The following SUGCT variants were observed in gnomAD, a reference collection of about 807,000 sequenced individuals.
The protein encoded by SUGCT is succinyl-CoA:glutarate CoA-transferase.
SUGCT carries 41 observed loss-of-function variants against 55.0 expected under a neutral mutation model. The ratio of observed to expected loss-of-function variants is 0.74; its 90% CI spans 0.58 to 0.97. The LOEUF (loss-of-function observed/expected upper bound fraction) is 0.97. SUGCT is among the 50% of genes least tolerant of loss of function. The pLI is 0.00. For missense variants in SUGCT, 568 were observed against 547.8 expected (o/e 1.04, Z -0.37); for synonymous variants, 187 against 200.4 (o/e 0.93, Z 0.56).
intron 8 of SUGCT, among the ~76,000 whole-genome samples, chr7:40,302,373 C>T (rs975826558): frequency 6.6e-6 from 1 of 152,174 alleles, no homozygotes; most frequent in Admixed American, 6.5e-5. Context: ...TGGCTTTACC[C>T]TTGTGTTAGT....
intron 12 of SUGCT, among the ~76,000 whole-genome samples, chr7:40,629,540 C>T (rs938895911): frequency 5.9e-5 from 9 of 151,844 alleles, no homozygotes; most frequent in Non-Finnish European, 1.0e-4. Flanking sequence ...GGCTGGATAA[C>T]GGCAGGAGGA....
At chr7:40,696,274 G>C (rs1329934549) in intron 12 of SUGCT, among the ~76,000 whole-genome samples, 1 of 152,174 alleles carries the variant, frequency 6.6e-6, no homozygotes, top group Non-Finnish European at 1.5e-5. Context: ...GCCAGGAGAT[G>C]CCTTTTAATG....
At chr7:40,605,949 A>G (rs907739240) in intron 12 of SUGCT, among the ~76,000 whole-genome samples, 4 of 152,236 alleles carry the variant, frequency 2.6e-5, no homozygotes, top group Admixed American at 2.6e-4. Flanking sequence ...GTAGGTTACA[A>G]TCAGTTTGTG....
chr7:40,992,961 G>A, the SUGCT span, among the ~76,000 whole-genome samples: 1 of 152,070 alleles, frequency 6.6e-6, no homozygotes, highest in Non-Finnish European at 1.5e-5. Flanking sequence ...AATGAAGGAG[G>A]AATTAGGGCA....
At chr7:40,703,462 C>T (rs949770281) in intron 12 of SUGCT, among the ~76,000 whole-genome samples, 1 of 152,140 alleles carries the variant, frequency 6.6e-6, no homozygotes, top group African/African-American at 2.4e-5. Context: ...CCTCTAACCT[C>T]TCTATATATA....
the SUGCT span, among the ~76,000 whole-genome samples, chr7:40,879,636 A>C: frequency 6.6e-6 from 1 of 152,156 alleles, no homozygotes; most frequent in Non-Finnish European, 1.5e-5. Flanking sequence ...TTCTATAATA[A>C]TTCTTCATTT....
rs1310631709 is a variant in SUGCT at position 40,556,163 on chromosome 7, T to C, written c.1089+59777T>C. 2.0e-5 allele frequency among the ~76,000 whole-genome samples: 3 copies of C among 152,292 alleles called. No individual in the cohort carries two copies. In the East Asian group the frequency reaches 5.8e-4, roughly 29 times the overall value. On this transcript the variant is annotated intron_variant, in intron 12 of 13. Coordinates refer to ENST00000335693, the MANE Select transcript of SUGCT (RefSeq NM_001193313.2). ...CACTTTTTGACCTCTGTTAAGTCTA[T>C]CCTCCACCTTCAGCACGCTTTGTTC...
intron 9 of SUGCT, among the ~76,000 whole-genome samples, chr7:40,405,088 G>A (rs962629291): frequency 7.2e-5 from 11 of 152,146 alleles, no homozygotes; most frequent in African/African-American, 2.7e-4. Flanking sequence ...AAGCTGCATA[G>A]CAAATCAAAG....
intron 1 of SUGCT, among the ~76,000 whole-genome samples, chr7:40,171,340 C>T (rs1386787002): frequency 6.6e-6 from 1 of 152,190 alleles, no homozygotes; most frequent in African/African-American, 2.4e-5. Context: ...GACCAATTTT[C>T]CTAACTCGCT....
the SUGCT span, among the ~76,000 whole-genome samples, chr7:40,885,319 CA>C: frequency 6.6e-6 from 1 of 152,122 alleles, no homozygotes; most frequent in African/African-American, 2.4e-5. Flanking sequence ...ACTGCCTCCT[CA>C]AAAGTATACT....
chr7:40,366,985 A>C (rs1311041995), intron 9 of SUGCT, among the ~76,000 whole-genome samples: 1 of 152,210 alleles, frequency 6.6e-6, no homozygotes, highest in Non-Finnish European at 1.5e-5. Flanking sequence ...TTGCGGCACT[A>C]TTCACAGTAG....
intron 13 of SUGCT, among the ~76,000 whole-genome samples, chr7:40,756,475 C>T (rs1788258330): frequency 6.6e-6 from 1 of 152,118 alleles, no homozygotes; most frequent in Non-Finnish European, 1.5e-5. Context: ...TACAACTCTG[C>T]CTTTTCTATG....
At chr7:40,617,893 C>T (rs188929735) in intron 12 of SUGCT, among the ~76,000 whole-genome samples, 1 of 152,148 alleles carries the variant, frequency 6.6e-6, no homozygotes, top group African/African-American at 2.4e-5. Flanking sequence ...CATATGTCAT[C>T]GACTCTGAAA....
chr7:40,940,255 A>T, the SUGCT span, among the ~76,000 whole-genome samples: 8 of 152,066 alleles, frequency 5.3e-5, no homozygotes, highest in African/African-American at 1.7e-4. Context: ...TTATAACAGG[A>T]CTATGCTGCT....
At chr7:40,183,024 G>C (rs1275945199) in intron 3 of SUGCT, among the ~76,000 whole-genome samples, 2 of 152,210 alleles carry the variant, frequency 1.3e-5, no homozygotes, top group East Asian at 3.9e-4. Context: ...TGTAATCCCA[G>C]TACTTTGGGA....
intron 1 of SUGCT, among the ~76,000 whole-genome samples, chr7:40,136,457 C>CGA (rs1379906617): frequency 2.0e-5 from 3 of 152,352 alleles, no homozygotes; most frequent in Admixed American, 2.0e-4. Flanking sequence ...GGTATCTTCT[C>CGA]AGCTTCTATC....
intron 12 of SUGCT, among the ~76,000 whole-genome samples, chr7:40,636,576 TA>T (rs1192152026): frequency 6.6e-6 from 1 of 152,166 alleles, no homozygotes; most frequent in African/African-American, 2.4e-5. Flanking sequence ...GTGCCTAGAA[TA>T]AGCAAATTCT....
chr7:40,802,975 A>G (rs2128751736), intron 13 of SUGCT, among the ~76,000 whole-genome samples: 1 of 152,318 alleles, frequency 6.6e-6, no homozygotes, highest in Non-Finnish European at 1.5e-5. Flanking sequence ...GTGGCTATCC[A>G]TTTAAACACA....
the SUGCT span, among the ~76,000 whole-genome samples, chr7:40,866,353 G>A: frequency 1.3e-4 from 20 of 151,966 alleles, no homozygotes; most frequent in Admixed American, 7.9e-4. Context: ...TGTTCCTGAT[G>A]GAAGCTTTGA....
Sources: allele counts gnomAD v4.1 joint callset (sites outside exome capture counted in the v4.1 genomes callset), GRCh38; gene constraint gnomAD v4.1.1; transcripts MANE v1.5; gene names NCBI Gene and HGNC (gene_info 2026-07-23, HGNC 2026-07-21).